The following ODR4 variants were observed in gnomAD, a reference collection of about 807,000 sequenced individuals.
The protein encoded by ODR4 is odr-4 GPCR localization factor homolog, also known as protein odr-4 homolog.
Under a neutral mutation model 60.2 loss-of-function variants are expected in ODR4, and 47 were observed. The ratio of observed to expected loss-of-function variants is 0.78; its 90% CI spans 0.62 to 1.00. ODR4 has a LOEUF of 1.00. Among genes scored for constraint, ODR4 ranks in the 50% least tolerant of loss-of-function variants. The probability of loss-of-function intolerance (pLI) is 0.00; values close to 1 mark genes in which losing one functional copy is unlikely to be tolerated. For missense variants in ODR4, 488 were observed against 530.8 expected, an observed-to-expected ratio of 0.92 and a Z score of 0.79; for synonymous variants, 178 against 175.5, an observed-to-expected ratio of 1.01 and a Z score of -0.11.
rs1659730555 is a variant in ODR4 at position 186,375,880 on chromosome 1, C to T, written c.-114C>T. 2 of 216,484 alleles carry T rather than the reference C, an allele frequency of 9.2e-6. No individual in the cohort carries two copies. The highest frequency in any genetic ancestry group is 2.3e-5 in the African/African-American group (1 of 44,442). 13.4% of individuals were successfully genotyped at this position (216,484 alleles called of 1,614,324 possible). On this transcript the variant is annotated 5_prime_UTR_variant, in exon 1 of 14. Transcript: ENST00000287859. ...TGAATTGAGACCGGAGGGAATCTGG[C>T]CCCTAGAGGCTGGTACTTGGGCCCG...
chr1:186,382,956 G>A, intron 2 of ODR4, 66 bp from the exon 3 acceptor site: 2 of 1,468,326 alleles, frequency 1.4e-6, no homozygotes, highest in South Asian at 2.7e-5. Flanking sequence ...AGGAATTTAG[G>A]TATCACTCTA....
chr1:186,402,161 C>A (rs1250640499), intron 11 of ODR4, among the ~76,000 whole-genome samples: 1 of 143,882 alleles, frequency 7.0e-6, no homozygotes, highest in African/African-American at 2.5e-5. Flanking sequence ...AGAGTAACCT[C>A]AGACAAATAA....
chr1:186,379,924 C>T, intron 2 of ODR4, 40 bp downstream of exon 2: 3 of 1,140,420 alleles, frequency 2.6e-6, no homozygotes, highest in Non-Finnish European at 3.7e-6. Flanking sequence ...TAAATAATTA[C>T]TCTGTAATTT....
the ODR4 span, among the ~76,000 whole-genome samples, chr1:186,427,182 T>C: frequency 6.6e-6 from 1 of 152,224 alleles, no homozygotes; most frequent in East Asian, 1.9e-4. Context: ...GCCACATCAA[T>C]TGACTCTTCT....
chr1:186,418,927 C>G, intron 13 of ODR4, 82 bp from the exon 14 acceptor site: 1 of 1,178,290 alleles, frequency 8.5e-7, no homozygotes. Context: ...CATCAGTTAC[C>G]CACATTTCAG....
chr1:186,376,930 G>C (rs1426847973), intron 1 of ODR4, among the ~76,000 whole-genome samples: 4 of 152,126 alleles, frequency 2.6e-5, no homozygotes, highest in Non-Finnish European at 5.9e-5. Flanking sequence ...ACAGTGCTTG[G>C]ACCACAAAGG....
intron 9 of ODR4, among the ~76,000 whole-genome samples, chr1:186,396,564 G>T (rs764928554): frequency 6.6e-6 from 1 of 152,094 alleles, no homozygotes; most frequent in Non-Finnish European, 1.5e-5. Flanking sequence ...AGCTCTGATA[G>T]CATCACTGTA....
At chr1:186,412,190 A>G (rs1046793794) in intron 12 of ODR4, among the ~76,000 whole-genome samples, 42 of 152,322 alleles carry the variant, frequency 2.8e-4, no homozygotes, top group African/African-American at 1.0e-3. Flanking sequence ...ATTTCAAAAC[A>G]AGGTGGCCCA....
At chr1:186,409,035 T>C (rs1007980690) in intron 12 of ODR4, among the ~76,000 whole-genome samples, 1 of 152,116 alleles carries the variant, frequency 6.6e-6, no homozygotes, top group Non-Finnish European at 1.5e-5. Flanking sequence ...GTTTATATTC[T>C]TTCTTTACAT....
At chr1:186,423,216 T>A (rs1454061773), downstream of ODR4, among the ~76,000 whole-genome samples, 13 of 152,148 alleles carry the variant, frequency 8.5e-5, no homozygotes, top group Non-Finnish European at 1.3e-4. Flanking sequence ...CAAAAATAGC[T>A]AATGAGGGAA....
the ODR4 span, among the ~76,000 whole-genome samples, chr1:186,431,006 C>T: frequency 6.6e-6 from 1 of 151,954 alleles, no homozygotes; most frequent in Non-Finnish European, 1.5e-5. Context: ...GATGACTGTA[C>T]ACAACTAAGA....
chr1:186,385,072 A>G (rs1238744268), intron 3 of ODR4, among the ~76,000 whole-genome samples: 1 of 152,100 alleles, frequency 6.6e-6, no homozygotes, highest in Non-Finnish European at 1.5e-5. Context: ...AACCTTAAAA[A>G]TATGTATAAC....
At position 186,393,969 on chromosome 1, in the gene ODR4, C is replaced by G; in HGVS notation, c.734C>G (p.Thr245Ser). The part of the protein sequence containing the change: ...EGQKKSSRGN[T>S]QATSHSFDVR... ...CAGAAAAAATCTTCTAGAGGAAATA[C>G]TCAAGCAACTAGTCATTCTTTTGAT... The change falls in exon 9 of 14, where the codon ACT (threonine) becomes AGT (serine). Residue 245 changes from threonine to serine, a missense_variant. By Grantham distance (58) the Thr-to-Ser change is moderately conservative (BLOSUM62 1). Transcript: ENST00000287859. 6.6e-7 allele frequency: 1 copy of G among 1,522,978 alleles called. No homozygotes were observed. The highest frequency in any genetic ancestry group is 8.9e-7 in the Non-Finnish European group (1 of 1,123,954). 94.3% of individuals were successfully genotyped at this position (1,522,978 alleles called of 1,614,324 possible).
At chr1:186,387,691 T>C (rs1432282513) in intron 4 of ODR4, among the ~76,000 whole-genome samples, 1 of 152,194 alleles carries the variant, frequency 6.6e-6, no homozygotes, top group Non-Finnish European at 1.5e-5. Flanking sequence ...TTTTATATTA[T>C]GAAGAAGGTT....
intron 12 of ODR4, among the ~76,000 whole-genome samples, chr1:186,411,114 A>G (rs537607055): frequency 6.6e-6 from 1 of 152,262 alleles, no homozygotes; most frequent in African/African-American, 2.4e-5. Flanking sequence ...GAAATGCTCC[A>G]AAATTTGAAC....
At chr1:186,408,856 G>A (rs1661269591) in intron 12 of ODR4, among the ~76,000 whole-genome samples, 1 of 151,834 alleles carries the variant, frequency 6.6e-6, no homozygotes, top group East Asian at 1.9e-4. Context: ...GGAAGAGAGA[G>A]TCATTTCATC....
chr1:186,381,615 C>A (rs1249726942), intron 2 of ODR4, among the ~76,000 whole-genome samples: 1 of 152,090 alleles, frequency 6.6e-6, no homozygotes, highest in Non-Finnish European at 1.5e-5. Flanking sequence ...GCGTGAGCCA[C>A]CGCGCCCGGC....
chr1:186,418,957 C>CT, intron 13 of ODR4, 52 bp from the exon 14 acceptor site: 2 of 1,520,738 alleles, frequency 1.3e-6, no homozygotes, highest in Non-Finnish European at 1.8e-6. Context: ...TTAGTTTGGC[C>CT]TTTCTTTTGC....
At chr1:186,395,123 C>T (rs1400633246) in intron 9 of ODR4, among the ~76,000 whole-genome samples, 1 of 152,162 alleles carries the variant, frequency 6.6e-6, no homozygotes, top group Non-Finnish European at 1.5e-5. Flanking sequence ...GAGACGGAGT[C>T]TCGCTCTGTC....
Sources: gnomAD v4.1 joint callset for allele counts (sites outside exome capture counted in the v4.1 genomes callset) on GRCh38, gnomAD v4.1.1 for gene constraint, MANE v1.5 for transcripts, NCBI Gene and HGNC (gene_info 2026-07-23, HGNC 2026-07-21) for gene names.